The following GRID2 variants were observed in gnomAD, a reference collection of about 807,000 sequenced individuals.
The protein encoded by GRID2 is glutamate ionotropic receptor delta type subunit 2.
GRID2 carries 33 observed loss-of-function variants against 114.8 expected under a neutral mutation model. The ratio of observed to expected loss-of-function variants is 0.29; its 90% CI spans 0.22 to 0.38. The LOEUF (loss-of-function observed/expected upper bound fraction) is 0.38. GRID2 is among the 10% of genes least tolerant of loss of function. The pLI, the probability that GRID2 is intolerant of heterozygous loss-of-function variation, is 1.00. For synonymous variants in GRID2, 505 were observed against 449.9 expected (o/e 1.12, Z -1.55); for missense variants, 1,184 against 1,257.7 (o/e 0.94, Z 0.89).
At chr4:92,647,750 A>G (rs142070820) in intron 2 of GRID2, among the ~76,000 whole-genome samples, 1 of 149,962 alleles carries the variant, frequency 6.7e-6, no homozygotes, top group Non-Finnish European at 1.5e-5. Context: ...TCTTAAACAA[A>G]TATGTTACAT....
chr4:92,535,799 G>A (rs1245105991), intron 1 of GRID2, among the ~76,000 whole-genome samples: 1 of 152,130 alleles, frequency 6.6e-6, no homozygotes, highest in Admixed American at 6.5e-5. Context: ...AGTTCTTAAA[G>A]ATGGTGTGCC....
At chr4:92,328,820 A>G (rs1381462520) in intron 1 of GRID2, among the ~76,000 whole-genome samples, 1 of 152,062 alleles carries the variant, frequency 6.6e-6, no homozygotes, top group African/African-American at 2.4e-5. Flanking sequence ...TCTAACTGCT[A>G]CAGCTAAGGA....
intron 1 of GRID2, among the ~76,000 whole-genome samples, chr4:92,354,536 T>A (rs1728224910): frequency 6.6e-6 from 1 of 152,000 alleles, no homozygotes; most frequent in Non-Finnish European, 1.5e-5. Flanking sequence ...TTTTTCTTAA[T>A]GTTTTAGCTA....
At chr4:93,057,514 CAAG>C (rs771508240) in intron 2 of GRID2, among the ~76,000 whole-genome samples, 1 of 151,524 alleles carries the variant, frequency 6.6e-6, no homozygotes, top group South Asian at 2.1e-4. Context: ...TGTTTCAAAG[CAAG>C]AAGAAGATGA....
Position 93,567,967 on chromosome 4 carries a change from C to T in GRID2, c.2193+52556C>T, listed in dbSNP as rs181446547. On this transcript the variant is annotated intron_variant, in intron 13 of 15. Coordinates refer to ENST00000282020, the MANE Select transcript of GRID2 (RefSeq NM_001510.4). Reference sequence around the variant, plus strand: ...CACAACAGACTGGCATTCACAGAAACGAAGTCATACACTTATGAAATCCTT... The same window carrying T: ...CACAACAGACTGGCATTCACAGAAATGAAGTCATACACTTATGAAATCCTT... Among the ~76,000 whole-genome samples the T allele has an allele frequency of 4.6e-4, 70 of 152,294 alleles. 3 individuals are homozygous for T. The South Asian group carries it at 5.2e-3, about 11-fold the overall frequency.
intron 2 of GRID2, among the ~76,000 whole-genome samples, chr4:92,840,754 C>T (rs1415721956): frequency 6.6e-6 from 1 of 152,054 alleles, no homozygotes; most frequent in East Asian, 1.9e-4. Flanking sequence ...GCCTTGCCCT[C>T]ACCAGTAGTA....
At chr4:93,552,610 T>G (rs1413458653) in intron 13 of GRID2, among the ~76,000 whole-genome samples, 1 of 152,174 alleles carries the variant, frequency 6.6e-6, no homozygotes, top group Non-Finnish European at 1.5e-5. Context: ...TGGTTTTTAT[T>G]TGCATTTCTC....
At chr4:92,680,099 G>A (rs768734453) in intron 2 of GRID2, among the ~76,000 whole-genome samples, 1 of 152,040 alleles carries the variant, frequency 6.6e-6, no homozygotes, top group Non-Finnish European at 1.5e-5. Flanking sequence ...CTCTTTACTG[G>A]AGTTTTAGAA....
chr4:93,111,751 C>CT (rs9307121), intron 4 of GRID2, among the ~76,000 whole-genome samples: 2,390 of 131,402 alleles, frequency 0.018, 73 homozygotes, highest in African/African-American at 0.048. Context: ...TTGTTTAATA[C>CT]TTTTTTTTTT....
chr4:93,270,730 G>A (rs1443919545), intron 8 of GRID2, among the ~76,000 whole-genome samples: 1 of 152,030 alleles, frequency 6.6e-6, no homozygotes, highest in Non-Finnish European at 1.5e-5. Flanking sequence ...CCAGATTCAA[G>A]TGATTCTCCT....
At chr4:93,364,652 A>T (rs1762174210) in intron 8 of GRID2, among the ~76,000 whole-genome samples, 1 of 151,746 alleles carries the variant, frequency 6.6e-6, no homozygotes, top group African/African-American at 2.4e-5. Flanking sequence ...AATTTTTATA[A>T]ATGTTTTGTA....
At chr4:92,730,102 A>G (rs1025747864) in intron 2 of GRID2, among the ~76,000 whole-genome samples, 1 of 152,022 alleles carries the variant, frequency 6.6e-6, no homozygotes, top group Admixed American at 6.6e-5. Flanking sequence ...AAATAATTAT[A>G]TCACATAGAA....
intron 1 of GRID2, among the ~76,000 whole-genome samples, chr4:93,780,515 G>A (rs1247491344): frequency 2.6e-5 from 4 of 152,334 alleles, no homozygotes; most frequent in African/African-American, 9.6e-5. Context: ...TTTGAACAAA[G>A]TAGAATGACA....
chr4:92,880,103 G>A (rs1745904152), intron 2 of GRID2, among the ~76,000 whole-genome samples: 1 of 152,114 alleles, frequency 6.6e-6, no homozygotes, highest in African/African-American at 2.4e-5. Context: ...AGGAAATCAG[G>A]ATCTCAAGTC....
intron 2 of GRID2, among the ~76,000 whole-genome samples, chr4:92,872,963 G>A (rs957652799): frequency 2.0e-5 from 3 of 152,152 alleles, no homozygotes; most frequent in African/African-American, 7.2e-5. Context: ...TTCTAGAACT[G>A]GAGTTAACTA....
chr4:92,579,576 G>C (rs1039365662), intron 1 of GRID2, among the ~76,000 whole-genome samples: 6 of 151,898 alleles, frequency 4.0e-5, no homozygotes, highest in Admixed American at 2.0e-4. Flanking sequence ...GGAACCCAGA[G>C]AGTTTTAGAT....
intron 14 of GRID2, among the ~76,000 whole-genome samples, chr4:93,749,679 C>T (rs962889985): frequency 7.2e-5 from 11 of 152,190 alleles, no homozygotes; most frequent in African/African-American, 2.2e-4. Flanking sequence ...TAGCCACCTC[C>T]GCTATGACAC....
At chr4:92,543,376 C>T (rs1261255558) in intron 1 of GRID2, among the ~76,000 whole-genome samples, 2 of 151,896 alleles carry the variant, frequency 1.3e-5, no homozygotes, top group African/African-American at 2.4e-5. Context: ...TAAAAATAAC[C>T]AATTTCAAAT....
chr4:93,510,554 C>A (rs150851539), intron 12 of GRID2, among the ~76,000 whole-genome samples: 1 of 151,992 alleles, frequency 6.6e-6, no homozygotes, highest in African/African-American at 2.4e-5. Flanking sequence ...TATAAATGTC[C>A]CAGAGAGTTT....
Sources: gnomAD v4.1 joint callset for allele counts (sites outside exome capture counted in the v4.1 genomes callset) on GRCh38, gnomAD v4.1.1 for gene constraint, MANE v1.5 for transcripts, NCBI Gene and HGNC (gene_info 2026-07-23, HGNC 2026-07-21) for gene names.